STXBP4: variants seen among roughly 807,000 people sequenced by gnomAD.
STXBP4 encodes the protein syntaxin-binding protein 4.
STXBP4 carries 55 observed loss-of-function variants against 76.1 expected under a neutral mutation model. That is an observed-to-expected ratio of 0.72 (90% confidence interval 0.58 to 0.91). The LOEUF is 0.91. Ranked by LOEUF, STXBP4 falls within the 40% of genes least tolerant of loss-of-function variation. The pLI is 0.00. For missense variants in STXBP4, 618 were observed against 636.9 expected, an observed-to-expected ratio of 0.97 and a Z score of 0.32; for synonymous variants, 201 against 220.2, an observed-to-expected ratio of 0.91 and a Z score of 0.77.
chr17:55,113,312 AT>A (rs575423749), intron 16 of STXBP4, among the ~76,000 whole-genome samples: 59 of 151,920 alleles, frequency 3.9e-4, no homozygotes, highest in Non-Finnish European at 4.4e-4. Flanking sequence ...ACTTGTAGTA[AT>A]CATTTCACCA....
intron 16 of STXBP4, among the ~76,000 whole-genome samples, chr17:55,090,847 GTGTGTGTC>G (rs201454267): frequency 3.2e-4 from 3 of 9,288 alleles, no homozygotes; most frequent in Non-Finnish European, 3.8e-4. Flanking sequence ...GTGTGTGTGT[GTGTGTGTC>G]TGTGTGTGTG....
At chr17:55,208,933 A>T in the STXBP4 span, among the ~76,000 whole-genome samples, 1 of 150,852 alleles carries the variant, frequency 6.6e-6, no homozygotes, top group African/African-American at 2.4e-5. Context: ...AAAAAAAAAA[A>T]TAGCCGGGCA....
In STXBP4 at chr17:55,087,770, G is replaced by A. The variant is rs115571408; in HGVS notation, c.1489+6587G>A. ...AATTTTAGAATTTTTTTCTGTTTCC[G>A]TGAAGAATGTCATTGGTATTTTGAT... is the stretch of plus-strand genomic sequence containing the variant. On this transcript the variant is annotated intron_variant, in intron 16 of 17. Transcript: ENST00000376352. Among the ~76,000 whole-genome samples, 351 of 152,072 alleles carry A rather than the reference G, an allele frequency of 2.3e-3. 2 individuals carry two copies. Among genetic ancestry groups the A allele is most frequent in the African/African-American group, 7.9e-3 (326 of 41,470 alleles).
intron 8 of STXBP4, among the ~76,000 whole-genome samples, chr17:55,027,367 A>G (rs1164268271): frequency 1.3e-5 from 2 of 152,170 alleles, no homozygotes; most frequent in African/African-American, 2.4e-5. Flanking sequence ...TGAGTATCAT[A>G]AGGCAAGCAC....
At chr17:55,177,860 C>A (rs1412153916), downstream of STXBP4, among the ~76,000 whole-genome samples, 1 of 152,174 alleles carries the variant, frequency 6.6e-6, no homozygotes, top group South Asian at 2.1e-4. Context: ...AAAGTAAATA[C>A]CAAACACCTT....
chr17:55,129,600 G>T (rs919709266), intron 16 of STXBP4, among the ~76,000 whole-genome samples: 1 of 151,942 alleles, frequency 6.6e-6, no homozygotes, highest in Non-Finnish European at 1.5e-5. Flanking sequence ...AAAAGAAGGA[G>T]GGAGGGAGGG....
chr17:55,168,351 T>G lies in STXBP4; in HGVS notation c.*8440T>G, dbSNP rs974447954. ...ATACTGGTGGTTCCTCATTTACCAGTAGAACTCTCTCTACAAATGGAAAGT... is the reference window on the plus strand; with the variant it reads ...ATACTGGTGGTTCCTCATTTACCAGGAGAACTCTCTCTACAAATGGAAAGT... On this transcript the variant is annotated 3_prime_UTR_variant, in exon 18 of 18. Coordinates refer to ENST00000376352, the MANE Select transcript of STXBP4 (RefSeq NM_178509.6). 4.6e-5 allele frequency: 7 copies of G among 152,142 alleles called. No homozygotes were observed. Among genetic ancestry groups the G allele is most frequent in the Admixed American group, 1.3e-4 (2 of 15,280 alleles). 9.4% of individuals were successfully genotyped at this position (152,142 alleles called of 1,614,324 possible). A position where few individuals can be genotyped will look rare whatever the true frequency, so the allele number is the denominator to read the frequency against.
intron 16 of STXBP4, among the ~76,000 whole-genome samples, chr17:55,120,103 A>T (rs570618335): frequency 1.3e-5 from 2 of 152,248 alleles, no homozygotes; most frequent in South Asian, 4.1e-4. Flanking sequence ...TTCTTCCCTT[A>T]TTTTCTGAAA....
chr17:55,060,685 T>G (rs2078984912), intron 12 of STXBP4, among the ~76,000 whole-genome samples: 1 of 152,184 alleles, frequency 6.6e-6, no homozygotes, highest in South Asian at 2.1e-4. Context: ...ACTCAAGTAT[T>G]TTTATGAGTT....
intron 1 of STXBP4, among the ~76,000 whole-genome samples, chr17:54,977,974 A>G (rs1482673567): frequency 6.6e-6 from 1 of 152,190 alleles, no homozygotes; most frequent in African/African-American, 2.4e-5. Flanking sequence ...CTCTTTTGAA[A>G]TGACCTTAAT....
At chr17:55,198,941 T>C in the STXBP4 span, among the ~76,000 whole-genome samples, 4 of 152,328 alleles carry the variant, frequency 2.6e-5, no homozygotes, top group African/African-American at 9.6e-5. Context: ...ATTCACTCTT[T>C]GGAGTACTAT....
At chr17:55,082,227 G>T (rs151261504) in intron 16 of STXBP4, among the ~76,000 whole-genome samples, 10 of 152,254 alleles carry the variant, frequency 6.6e-5, no homozygotes, top group African/African-American at 2.4e-4. Flanking sequence ...CACAAATGTG[G>T]CAACCATGAA....
At chr17:55,090,447 T>A (rs1251480971) in intron 16 of STXBP4, among the ~76,000 whole-genome samples, 1 of 152,050 alleles carries the variant, frequency 6.6e-6, no homozygotes, top group Non-Finnish European at 1.5e-5. Flanking sequence ...AAACTCACAA[T>A]GCAAAGGTAC....
the STXBP4 span, among the ~76,000 whole-genome samples, chr17:55,196,450 A>C: frequency 6.6e-6 from 1 of 152,168 alleles, no homozygotes; most frequent in Admixed American, 6.5e-5. Flanking sequence ...TTTTCTATTC[A>C]ACCCTACACT....
chr17:55,115,168 C>T (rs1008589755), intron 16 of STXBP4, among the ~76,000 whole-genome samples: 6 of 151,634 alleles, frequency 4.0e-5, no homozygotes, highest in South Asian at 2.1e-4. Context: ...GAGTAAATGG[C>T]GAATTGACAT....
At chr17:55,017,899 A>T (rs994285508) in intron 8 of STXBP4, among the ~76,000 whole-genome samples, 2 of 152,130 alleles carry the variant, frequency 1.3e-5, no homozygotes, top group East Asian at 1.9e-4. Flanking sequence ...GGTGCCCAGT[A>T]TTTTCCTCCA....
chr17:55,195,605 C>T, the STXBP4 span, among the ~76,000 whole-genome samples: 5 of 152,068 alleles, frequency 3.3e-5, no homozygotes, highest in East Asian at 3.9e-4. Flanking sequence ...TACCACACAC[C>T]GAGCTAAATT....
intron 12 of STXBP4, among the ~76,000 whole-genome samples, chr17:55,071,558 C>A (rs1046555506): frequency 1.3e-5 from 2 of 152,150 alleles, no homozygotes; most frequent in Non-Finnish European, 1.5e-5. Context: ...ATTTACCTCT[C>A]ATCCCTGATT....
At chr17:55,049,206 A>T (rs1366312248) in intron 12 of STXBP4, among the ~76,000 whole-genome samples, 1 of 152,006 alleles carries the variant, frequency 6.6e-6, no homozygotes, top group African/African-American at 2.4e-5. Flanking sequence ...ATATACCAGT[A>T]CTAAGGGAAT....
Sources: gnomAD v4.1 joint callset for allele counts (sites outside exome capture counted in the v4.1 genomes callset) on GRCh38, gnomAD v4.1.1 for gene constraint, MANE v1.5 for transcripts, NCBI Gene and HGNC (gene_info 2026-07-23, HGNC 2026-07-21) for gene names.